Variants in PCDHGA6 observed in about 807,000 individuals in gnomAD.
PCDHGA6 encodes the protein protocadherin gamma subfamily A, 6.
A neutral mutation model predicts 60.6 loss-of-function variants in PCDHGA6; 41 were observed. The observed-to-expected ratio is 0.68, with a 90% CI of 0.53 to 0.88. The LOEUF (loss-of-function observed/expected upper bound fraction) is 0.88. PCDHGA6 is among the 40% of genes least tolerant of loss of function. PCDHGA6 has a pLI of 0.00. For synonymous variants in PCDHGA6, 594 were observed against 524.4 expected, an observed-to-expected ratio of 1.13 and a Z score of -1.81; for missense variants, 1,312 against 1,203.0, an observed-to-expected ratio of 1.09 and a Z score of -1.34.
chr5:141,509,830 T>A (rs1328716142), intron 3 of PCDHGA6, among the ~76,000 whole-genome samples: 1 of 152,204 alleles, frequency 6.6e-6, no homozygotes, highest in African/African-American at 2.4e-5. Flanking sequence ...ATCTTCTCTC[T>A]ACCTCCCATT....
At chr5:141,400,394 G>A in intron 1 of PCDHGA6, 2 of 1,614,072 alleles carry the variant, frequency 1.2e-6, no homozygotes, top group Non-Finnish European at 1.7e-6. Context: ...GCACATACAG[G>A]AAAGACGGAG....
chr5:141,491,291 C>A lies in PCDHGA6; in HGVS notation c.2425-3516C>A. The A allele has an allele frequency of 8.1e-6, 13 of 1,614,152 alleles. No individual in the cohort carries two copies. Among genetic ancestry groups the A allele is most frequent in the Non-Finnish European group, 1.1e-5 (13 of 1,179,974 alleles). On this transcript the variant is annotated intron_variant, in intron 1 of 3. Transcript: ENST00000517434. This position sits in a 1 kb window ranked among gnomAD's most constrained non-coding sequence, Gnocchi z 6.9. The stretch of plus-strand genomic sequence containing the variant: ...AAATCCAGTGACTTCCTCATACACC[C>A]TCCTGAGCGTTCAGACCTTACCCTT...
intron 1 of PCDHGA6, chr5:141,415,164 G>A: frequency 1.9e-6 from 3 of 1,613,838 alleles, no homozygotes; most frequent in African/African-American, 2.7e-5. Flanking sequence ...CCACTGTCAC[G>A]CTCACCGTGG....
chr5:141,489,073 C>A lies in PCDHGA6; in HGVS notation c.2425-5734C>A, dbSNP rs2099681983. 3.2e-6 allele frequency: 1 copy of A among 315,630 alleles called. No individual in the cohort carries two copies. The highest frequency in any genetic ancestry group is 5.7e-6 in the Non-Finnish European group (1 of 173,976). 19.6% of individuals were successfully genotyped at this position (315,630 alleles called of 1,614,324 possible). A position where few individuals can be genotyped will look rare whatever the true frequency, so the allele number is the denominator to read the frequency against. ...ATTCAGCTCCCCTCCCCCCTGCCCA[C>A]CCCCGCCACTCGGTGACTAAGAACT... On this transcript the variant is annotated intron_variant, in intron 1 of 3. Coordinates refer to ENST00000517434, the MANE Select transcript of PCDHGA6 (RefSeq NM_018919.3). The surrounding 1 kb of genome is among the most constrained non-coding windows in gnomAD (Gnocchi z 4.5).
chr5:141,431,699 T>C lies in PCDHGA6; in HGVS notation c.2424+55192T>C. ...GGAGTTGGACCACGAGGAGTCAGGA[T>C]TCTACCAGATGGAAGTGCAAGCAAT... is the stretch of plus-strand genomic sequence containing the variant. On this transcript the variant is annotated intron_variant, in intron 1 of 3. Coordinates refer to ENST00000517434, the MANE Select transcript of PCDHGA6 (RefSeq NM_018919.3). The surrounding 1 kb of genome is among the most constrained non-coding windows in gnomAD (Gnocchi z 4.8). 6.2e-7 allele frequency: 1 copy of C among 1,614,222 alleles called. No individual in the cohort carries two copies. Among genetic ancestry groups the C allele is most frequent in the South Asian group, 1.1e-5 (1 of 91,074 alleles).
chr5:141,450,413 T>G (rs549247554), intron 1 of PCDHGA6, among the ~76,000 whole-genome samples: 1 of 152,334 alleles, frequency 6.6e-6, no homozygotes, highest in African/African-American at 2.4e-5. Context: ...GCCATTTGTC[T>G]TGTATAATGC....
chr5:141,400,503 G>T, intron 1 of PCDHGA6: 1 of 1,614,022 alleles, frequency 6.2e-7, no homozygotes, highest in Non-Finnish European at 8.5e-7. Context: ...ATTCCAGCGA[G>T]TCGACTTCCC....
At position 141,511,241 on chromosome 5, in the gene PCDHGA6, C is replaced by G; in HGVS notation, c.*68C>G. ...CCAGCCCAGCTTCTCCTTACCTGCA[C>G]CCAGGCCTCAGAGTTTCAGGGCTAA... On this transcript the variant is annotated 3_prime_UTR_variant, in exon 4 of 4. Transcript: ENST00000517434. 1 of 1,585,214 alleles carries G rather than the reference C, an allele frequency of 6.3e-7. No individual in the cohort carries two copies. The highest frequency in any genetic ancestry group is 1.1e-5 in the South Asian group (1 of 87,760).
chr5:141,392,628 A>C (rs2092566593), intron 1 of PCDHGA6: 2 of 588,334 alleles, frequency 3.4e-6, no homozygotes, highest in South Asian at 5.4e-5. Flanking sequence ...AAACACTCAG[A>C]TCTCACACCT....
rs1342473418 is a variant in PCDHGA6, at chr5:141,477,702, A to G, written c.2425-17105A>G. On this transcript the variant is annotated intron_variant, in intron 1 of 3. Transcript: ENST00000517434. The surrounding 1 kb of genome is among the most constrained non-coding windows in gnomAD (Gnocchi z 4.9). Reference sequence around the variant, plus strand: ...TCCTTAGTGCCCCTAGACTATGAGGATCGGCGGGAATTTGAATTAACAGCT... The same window carrying G: ...TCCTTAGTGCCCCTAGACTATGAGGGTCGGCGGGAATTTGAATTAACAGCT... The G allele has an allele frequency of 1.9e-6, 3 of 1,613,924 alleles. No individual in the cohort carries two copies. Among genetic ancestry groups the G allele is most frequent in the Non-Finnish European group, 2.5e-6 (3 of 1,180,044 alleles).
intron 1 of PCDHGA6, chr5:141,427,778 A>T: frequency 1.4e-6 from 2 of 1,436,676 alleles, no homozygotes; most frequent in Non-Finnish European, 1.9e-6. Context: ...AGCTGCGGGC[A>T]CTGTCGTCCT....
chr5:141,383,486 T>C, intron 1 of PCDHGA6: 1 of 1,613,372 alleles, frequency 6.2e-7, no homozygotes, highest in Non-Finnish European at 8.5e-7. Context: ...GAACTGGTGC[T>C]GGAGCGGGTG....
At chr5:141,500,789 C>G (rs1006758925) in intron 2 of PCDHGA6, among the ~76,000 whole-genome samples, 2 of 152,142 alleles carry the variant, frequency 1.3e-5, no homozygotes, top group African/African-American at 4.8e-5. Flanking sequence ...TATTATTTTA[C>G]AGAATAAGTC....
chr5:141,380,676 T>TA (rs1776652796), intron 1 of PCDHGA6, among the ~76,000 whole-genome samples: 1 of 152,246 alleles, frequency 6.6e-6, no homozygotes, highest in Non-Finnish European at 1.5e-5. Flanking sequence ...ATAGGGTATG[T>TA]ATGCTTTGTG....
At chr5:141,462,415 C>G (rs998182982) in intron 1 of PCDHGA6, among the ~76,000 whole-genome samples, 2 of 152,092 alleles carry the variant, frequency 1.3e-5, no homozygotes, top group Non-Finnish European at 2.9e-5. Context: ...AGAATATGGT[C>G]TATCTTGGTG....
At chr5:141,463,324 T>C (rs1413608053) in intron 1 of PCDHGA6, among the ~76,000 whole-genome samples, 1 of 150,722 alleles carries the variant, frequency 6.6e-6, no homozygotes, top group Non-Finnish European at 1.5e-5. Context: ...ATTCCTCAAC[T>C]CAGCAAAACC....
intron 1 of PCDHGA6, chr5:141,429,276 T>C (rs748800169): frequency 6.6e-5 from 10 of 152,228 alleles, no homozygotes; most frequent in Non-Finnish European, 1.2e-4. Flanking sequence ...TTTTTTCCTG[T>C]GATGTTTCTT....
chr5:141,403,051 C>G (rs1273209859), intron 1 of PCDHGA6: 1 of 1,614,086 alleles, frequency 6.2e-7, no homozygotes, highest in African/African-American at 1.3e-5. Flanking sequence ...AGATTCGCTA[C>G]TCAGTGCCTG....
At position 141,477,505 on chromosome 5, in the gene PCDHGA6, C is replaced by T. The variant is rs2099412175; in HGVS notation, c.2425-17302C>T. The T allele has an allele frequency of 5.0e-6, 8 of 1,614,126 alleles. No individual in the cohort carries two copies. Among genetic ancestry groups the T allele is most frequent in the Admixed American group, 1.7e-5 (1 of 60,024 alleles). On this transcript the variant is annotated intron_variant, in intron 1 of 3. Transcript: ENST00000517434. This position sits in a 1 kb window ranked among gnomAD's most constrained non-coding sequence, Gnocchi z 4.9. ...CACAATCTTCTCAATCTTCCTACGACGTTTACATTGAAGAAAACAACCTCC... is the reference window on the plus strand; with the variant it reads ...CACAATCTTCTCAATCTTCCTACGATGTTTACATTGAAGAAAACAACCTCC...
Sources: allele counts gnomAD v4.1 joint callset (sites outside exome capture counted in the v4.1 genomes callset), GRCh38; gene constraint gnomAD v4.1.1; non-coding constraint Gnocchi (gnomAD v3.1); transcripts MANE v1.5; gene names NCBI Gene and HGNC (gene_info 2026-07-23, HGNC 2026-07-21).